The following DAP variants were observed in gnomAD, a reference collection of about 807,000 sequenced individuals.
DAP encodes death associated protein.
Under a neutral mutation model 13.8 loss-of-function variants are expected in DAP, and 8 were observed. That is an observed-to-expected ratio of 0.58 (90% confidence interval 0.34 to 1.05). The LOEUF is 1.05. Ranked by LOEUF, DAP falls within the 50% of genes least tolerant of loss-of-function variation. The pLI is 0.03. For synonymous variants in DAP, 47 were observed against 47.5 expected, an observed-to-expected ratio of 0.99 and a Z score of 0.04; for missense variants, 106 against 133.2, an observed-to-expected ratio of 0.80 and a Z score of 1.01.
chr5:10,737,052 A>G (rs1182044128), intron 2 of DAP, among the ~76,000 whole-genome samples: 2 of 152,222 alleles, frequency 1.3e-5, no homozygotes, highest in African/African-American at 4.8e-5. Context: ...GGCACTCACA[A>G]TATTGGAGCT....
At chr5:10,737,131 G>A (rs1739631468) in intron 2 of DAP, among the ~76,000 whole-genome samples, 1 of 152,146 alleles carries the variant, frequency 6.6e-6, no homozygotes, top group Admixed American at 6.5e-5. Context: ...GATCACCTGA[G>A]GTCAGGAGTT....
At chr5:10,753,442 T>C (rs944556547) in intron 1 of DAP, among the ~76,000 whole-genome samples, 41 of 152,178 alleles carry the variant, frequency 2.7e-4, no homozygotes, top group African/African-American at 8.7e-4. Flanking sequence ...GAGTTTGAAA[T>C]GAAAAGCTCT....
In DAP at chr5:10,680,793, G is replaced by C. The variant is rs1226187271; in HGVS notation, c.*263C>G. 21 of 1,536,630 alleles carry C rather than the reference G, an allele frequency of 1.4e-5. No individual in the cohort carries two copies. The East Asian group carries it at 4.9e-4, about 36-fold the overall frequency. The stretch of plus-strand genomic sequence containing the variant: ...AGAACTAAAGCTAAAATTTTTCTCG[G>C]ATCTTGGCAAATTCTGCTAATGGCA... On this transcript the variant is annotated 3_prime_UTR_variant, in exon 4 of 4. Transcript: ENST00000230895.
chr5:10,737,084 G>A (rs1051849606), intron 2 of DAP, among the ~76,000 whole-genome samples: 1 of 152,194 alleles, frequency 6.6e-6, no homozygotes, highest in African/African-American at 2.4e-5. Flanking sequence ...GGTGGCTCAC[G>A]CCTGTAATCC....
intron 2 of DAP, among the ~76,000 whole-genome samples, chr5:10,708,301 C>T (rs1483562231): frequency 6.6e-6 from 1 of 151,304 alleles, no homozygotes. Context: ...TGCACACACA[C>T]ACATAGAGAC....
At position 10,707,756 on chromosome 5, in the gene DAP, C is replaced by T. The variant is rs1738735406; in HGVS notation, c.153-24185G>A. Among the ~76,000 whole-genome samples, 1 of 151,952 alleles carries T rather than the reference C, an allele frequency of 6.6e-6. No individual in the cohort carries two copies. The highest frequency in any genetic ancestry group is 1.5e-5 in the Non-Finnish European group (1 of 67,970). ...GTGGTATGGCACACAGGTGGCGTGG[C>T]ATAGGAATCATGTGATGCACAGGTG... On this transcript the variant is annotated intron_variant, in intron 2 of 3. Coordinates refer to ENST00000230895, the MANE Select transcript of DAP (RefSeq NM_004394.3). The surrounding 1 kb of genome is among the most constrained non-coding windows in gnomAD (Gnocchi z 4.0).
chr5:10,680,520 C>T lies in DAP; in HGVS notation c.*536G>A. 1 of 595,670 alleles carries T rather than the reference C, an allele frequency of 1.7e-6. No individual in the cohort carries two copies. The highest frequency in any genetic ancestry group is 2.2e-5 in the South Asian group (1 of 46,292). The allele number at this position is 595,670 out of a possible 1,614,324, so 36.9% of individuals were successfully genotyped here. A position where few individuals can be genotyped will look rare whatever the true frequency, so the allele number is the denominator to read the frequency against. ...CTCATGGGTGCCTCATCAGCCTGCA[C>T]AGGATCCCCCATCTCACGAGAGAGG... On this transcript the variant is annotated 3_prime_UTR_variant, in exon 4 of 4. Transcript: ENST00000230895.
chr5:10,735,557 G>A (rs767925966), intron 2 of DAP, among the ~76,000 whole-genome samples: 1 of 152,172 alleles, frequency 6.6e-6, no homozygotes, highest in African/African-American at 2.4e-5. Context: ...TGGTAATGCA[G>A]TGCACATGTA....
At chr5:10,755,184 T>C (rs1740151324) in intron 1 of DAP, among the ~76,000 whole-genome samples, 2 of 152,144 alleles carry the variant, frequency 1.3e-5, no homozygotes, top group African/African-American at 4.8e-5. Context: ...TGACTGGTCA[T>C]TGCTGCCTTT....
At chr5:10,692,980 C>T (rs1252159606) in intron 2 of DAP, among the ~76,000 whole-genome samples, 1 of 152,182 alleles carries the variant, frequency 6.6e-6, no homozygotes, top group Non-Finnish European at 1.5e-5. Flanking sequence ...CCCTTCTTCA[C>T]CCCAAAATAG....
At position 10,732,311 on chromosome 5, in the gene DAP, C is replaced by T. The variant is rs1015353237; in HGVS notation, c.152+15864G>A. ...CTAATTCCAGAACTTTCATCATCCT[C>T]AAAAGCAATCGATACCCATTAAGCT... is the stretch of plus-strand genomic sequence containing the variant. On this transcript the variant is annotated intron_variant, in intron 2 of 3. Coordinates refer to ENST00000230895, the MANE Select transcript of DAP (RefSeq NM_004394.3). Among the ~76,000 whole-genome samples, 25 of 152,222 alleles carry T rather than the reference C, an allele frequency of 1.6e-4. 1 individual carries two copies. Among genetic ancestry groups the T allele is most frequent in the Non-Finnish European group, 2.6e-4 (18 of 68,036 alleles).
chr5:10,703,195 T>C (rs1392649598), intron 2 of DAP, among the ~76,000 whole-genome samples: 2 of 152,214 alleles, frequency 1.3e-5, no homozygotes, highest in African/African-American at 4.8e-5. Context: ...AAAGCAGGGG[T>C]GCTCCCAAAA....
intron 2 of DAP, among the ~76,000 whole-genome samples, chr5:10,721,729 G>A (rs1739147655): frequency 1.3e-5 from 2 of 152,184 alleles, no homozygotes; most frequent in African/African-American, 4.8e-5. Flanking sequence ...ATACAGATTG[G>A]GTAGAAGAAG....
chr5:10,758,407 AGGGGT>A (rs1740249616), intron 1 of DAP, among the ~76,000 whole-genome samples: 3 of 91,514 alleles, frequency 3.3e-5, no homozygotes, highest in Non-Finnish European at 6.9e-5. Flanking sequence ...TTGGCATTTG[AGGGGT>A]GCTGTTGGCA....
chr5:10,688,272 CCAAT>C (rs976010260), intron 2 of DAP, among the ~76,000 whole-genome samples: 5 of 152,098 alleles, frequency 3.3e-5, no homozygotes, highest in Non-Finnish European at 4.4e-5. Flanking sequence ...AACCACCACC[CCAAT>C]CAGTCAGCAG....
chr5:10,736,239 TTC>T (rs1308858141), intron 2 of DAP, among the ~76,000 whole-genome samples: 1 of 152,078 alleles, frequency 6.6e-6, no homozygotes, highest in African/African-American at 2.4e-5. Context: ...GACGAAACAT[TTC>T]TGTTTTTAAA....
rs376119274 is a variant in DAP at position 10,683,520 on chromosome 5, C to G, written c.195+9G>C. ...GCCTCAAACCCACCGCAGACACTCC[C>G]AGACTTACCCGGGCGATGACCCCAG... On this transcript the variant is annotated intron_variant, in intron 3 of 3. Transcript: ENST00000230895. 103 of 1,614,060 alleles carry G rather than the reference C, an allele frequency of 6.4e-5. No homozygotes were observed. Among genetic ancestry groups the G allele is most frequent in the Non-Finnish European group, 7.9e-5 (93 of 1,179,992 alleles).
At chr5:10,693,079 A>G (rs1181209720) in intron 2 of DAP, among the ~76,000 whole-genome samples, 2 of 151,926 alleles carry the variant, frequency 1.3e-5, no homozygotes, top group Admixed American at 1.3e-4. Context: ...GGGTCAGCTT[A>G]GTTACCACGA....
intron 1 of DAP, 61 bp downstream of exon 1, chr5:10,760,952 GC>G: frequency 1.1e-5 from 12 of 1,087,832 alleles, no homozygotes; most frequent in East Asian, 8.0e-5. Context: ...CCCGCCCGGC[GC>G]CCCCGGGTTC....
Sources: gnomAD v4.1 joint callset for allele counts (sites outside exome capture counted in the v4.1 genomes callset) on GRCh38, gnomAD v4.1.1 for gene constraint, Gnocchi (gnomAD v3.1) non-coding constraint, MANE v1.5 for transcripts, NCBI Gene and HGNC (gene_info 2026-07-23, HGNC 2026-07-21) for gene names.